TXNRD3: variants seen among roughly 807,000 people sequenced by gnomAD.
TXNRD3 encodes thioredoxin reductase 3, also known as TXNRD3 neighbor gene protein.
In TXNRD3, 68 loss-of-function variants were observed where a neutral mutation model predicts 78.2. The ratio of observed to expected loss-of-function variants is 0.87; its 90% CI spans 0.72 to 1.06. TXNRD3 has a LOEUF of 1.06. Ranked by LOEUF, TXNRD3 falls within the 50% of genes least tolerant of loss-of-function variation. TXNRD3 has a pLI of 0.00. For missense variants in TXNRD3, 751 were observed against 809.5 expected (o/e 0.93, Z 0.88); for synonymous variants, 296 against 300.1 (o/e 0.99, Z 0.14).
intron 12 of TXNRD3, among the ~76,000 whole-genome samples, chr3:126,618,287 A>C (rs1938361304): frequency 1.3e-5 from 2 of 152,242 alleles, no homozygotes; most frequent in African/African-American, 4.8e-5. Context: ...AAAAAGAATC[A>C]AGCTGGAGGC....
At chr3:126,622,900 A>G (rs1030455473) in intron 10 of TXNRD3, among the ~76,000 whole-genome samples, 1 of 152,182 alleles carries the variant, frequency 6.6e-6, no homozygotes, top group Non-Finnish European at 1.5e-5. Context: ...TGCTATAAGA[A>G]GAGGAGGACA....
Position 126,647,468 on chromosome 3 carries a change from C to A in TXNRD3, c.244-172G>T, listed in dbSNP as rs145504276. ...TTTTTCCTTTCCTCTACACATCTTCCCAGAATAATCTCAGGCCATCCCTTG... is the reference window on the plus strand; with the variant it reads ...TTTTTCCTTTCCTCTACACATCTTCACAGAATAATCTCAGGCCATCCCTTG... On this transcript the variant is annotated intron_variant, in intron 1 of 15. Coordinates refer to ENST00000524230, the MANE Select transcript of TXNRD3 (RefSeq NM_052883.3). 1.0e-3 allele frequency among the ~76,000 whole-genome samples: 159 copies of A among 152,226 alleles called. 1 individual carries two copies. The highest frequency in any genetic ancestry group is 3.6e-3 in the African/African-American group (148 of 41,532).
In TXNRD3 at chr3:126,655,073, G is replaced by A. The variant is rs1007095558; in HGVS notation, c.-83C>T. 1.7e-4 allele frequency: 224 copies of A among 1,298,154 alleles called. No individual in the cohort carries two copies. Among genetic ancestry groups the A allele is most frequent in the African/African-American group, 3.0e-4 (19 of 64,254 alleles). The allele number at this position is 1,298,154 out of a possible 1,614,324, so 80.4% of individuals were successfully genotyped here. A position where few individuals can be genotyped will look rare whatever the true frequency, so the allele number is the denominator to read the frequency against. On this transcript the variant is annotated 5_prime_UTR_variant, in exon 1 of 16. Transcript: ENST00000524230. ...CTGCGGCGCCGGGACGGGGCCTGAG[G>A]GGCGGCGAACGCTGCCCTCGCTGGC...
chr3:126,644,023 C>T lies in TXNRD3; in HGVS notation c.550G>A (p.Val184Met). 6.5e-7 allele frequency: 1 copy of T among 1,536,034 alleles called. No homozygotes were observed. The highest frequency in any genetic ancestry group is 8.7e-7 in the Non-Finnish European group (1 of 1,146,892). The change falls in exon 5 of 16, where the codon GTG becomes ATG. Residue 184 changes from valine to methionine, a missense_variant. Coordinates refer to ENST00000524230, the MANE Select transcript of TXNRD3 (RefSeq NM_052883.3). Reference sequence around the variant, plus strand: ...GGTGACGGGACAACAAAGTCTAGCACCATAACTTTCTTTCCCAAAATGGCA... The same window carrying T: ...GGTGACGGGACAACAAAGTCTAGCATCATAACTTTCTTTCCCAAAATGGCA...
chr3:126,609,820 A>G (rs575622540), intron 14 of TXNRD3, among the ~76,000 whole-genome samples: 6 of 152,310 alleles, frequency 3.9e-5, no homozygotes, highest in African/African-American at 1.2e-4. Flanking sequence ...GACAGCTGCA[A>G]GTCCCACCTT....
rs1476576543 is a variant in TXNRD3 at position 126,607,877 on chromosome 3, T to C, written c.*28A>G. 3.4e-6 allele frequency: 5 copies of C among 1,486,648 alleles called. No homozygotes were observed. The highest frequency in any genetic ancestry group is 2.5e-5 in the South Asian group (2 of 78,562). 92.1% of individuals were successfully genotyped at this position (1,486,648 alleles called of 1,614,324 possible). On this transcript the variant is annotated 3_prime_UTR_variant, in exon 16 of 16. Transcript: ENST00000524230. ...CTTATCTTTGAGAGAAATGAGAATA[T>C]GACAAGGAGAACTAAACAGCAGCAG...
chr3:126,644,226 T>A, intron 4 of TXNRD3, 71 bp downstream of exon 4: 21 of 1,409,658 alleles, frequency 1.5e-5, no homozygotes, highest in Non-Finnish European at 2.0e-5. Context: ...TGTTTTTTTT[T>A]AAGTAGCAGA....
chr3:126,638,207 G>C (rs1472076729), intron 6 of TXNRD3, among the ~76,000 whole-genome samples: 1 of 151,772 alleles, frequency 6.6e-6, no homozygotes, highest in African/African-American at 2.4e-5. Flanking sequence ...TCTCCCAAAG[G>C]ACTGGGATTA....
intron 5 of TXNRD3, among the ~76,000 whole-genome samples, chr3:126,643,585 G>A (rs750686919): frequency 3.9e-5 from 6 of 152,000 alleles, no homozygotes; most frequent in South Asian, 2.1e-4. Flanking sequence ...AAAATACTAC[G>A]GCAGAAGTGC....
At chr3:126,652,524 G>A (rs953908630) in intron 1 of TXNRD3, among the ~76,000 whole-genome samples, 3 of 152,214 alleles carry the variant, frequency 2.0e-5, no homozygotes. Context: ...TTACAACAGT[G>A]ATTTAAAAAA....
chr3:126,610,299 T>C (rs970299099), intron 14 of TXNRD3, among the ~76,000 whole-genome samples: 4 of 152,250 alleles, frequency 2.6e-5, no homozygotes, highest in Non-Finnish European at 4.4e-5. Context: ...TTTATCTATT[T>C]GTATGTTTCC....
chr3:126,609,464 T>C lies in TXNRD3; in HGVS notation c.1729-831A>G, dbSNP rs182504862. 7.2e-4 allele frequency among the ~76,000 whole-genome samples: 109 copies of C among 152,244 alleles called. 1 individual carries two copies. The highest frequency in any genetic ancestry group is 2.5e-3 in the African/African-American group (102 of 41,534). ...GTTCCCAGGGCCCACAGAAGACTAC[T>C]GCATTGGAACCTGAGGTGGTGGGTT... On this transcript the variant is annotated intron_variant, in intron 14 of 15. Coordinates refer to ENST00000524230, the MANE Select transcript of TXNRD3 (RefSeq NM_052883.3).
chr3:126,608,929 A>G (rs1938127186), intron 14 of TXNRD3, among the ~76,000 whole-genome samples: 1 of 152,208 alleles, frequency 6.6e-6, no homozygotes, highest in Non-Finnish European at 1.5e-5. Context: ...TGCTGAGACA[A>G]TGCTCAACAA....
intron 14 of TXNRD3, among the ~76,000 whole-genome samples, chr3:126,610,277 T>C (rs958603377): frequency 3.3e-5 from 5 of 152,246 alleles, no homozygotes; most frequent in Non-Finnish European, 7.3e-5. Context: ...ATGTCACTTG[T>C]TGCAGTTCAT....
At chr3:126,622,432 C>G (rs539326201) in intron 11 of TXNRD3, 32 bp downstream of exon 11, 3 of 1,438,716 alleles carry the variant, frequency 2.1e-6, no homozygotes, top group Non-Finnish European at 2.8e-6. Context: ...TTGCTTTGTG[C>G]AGCAACAGTG....
intron 7 of TXNRD3, 105 bp downstream of exon 7, chr3:126,633,804 C>G (rs1938783500): frequency 1.2e-6 from 1 of 806,676 alleles, no homozygotes; most frequent in African/African-American, 1.7e-5. Context: ...TGTGTGCACG[C>G]ACGCCTGTTA....
rs922181351 is a variant in TXNRD3 at position 126,644,104 on chromosome 3, T to C, written c.520-51A>G. 14 of 1,511,862 alleles carry C rather than the reference T, an allele frequency of 9.3e-6. No individual in the cohort carries two copies. The Admixed American group carries it at 1.8e-4, about 19-fold the overall frequency. 93.7% of individuals were successfully genotyped at this position (1,511,862 alleles called of 1,614,324 possible). A position where few individuals can be genotyped will look rare whatever the true frequency, so the allele number is the denominator to read the frequency against. On this transcript the variant is annotated intron_variant, in intron 4 of 15. Transcript: ENST00000524230. ...ACGTATAAAGATCTTGTCACTTTCC[T>C]GACACTCCCTCAATCTTTGTCTTCC... is the stretch of plus-strand genomic sequence containing the variant.
chr3:126,608,072 C>T (rs1938095628), intron 15 of TXNRD3, 99 bp from the exon 16 acceptor site: 1 of 947,052 alleles, frequency 1.1e-6, no homozygotes, highest in South Asian at 2.3e-5. Context: ...TTAAAATATA[C>T]AAATCTGGCC....
intron 6 of TXNRD3, among the ~76,000 whole-genome samples, chr3:126,634,499 G>A (rs1938803738): frequency 1.3e-5 from 2 of 152,156 alleles, no homozygotes; most frequent in African/African-American, 4.8e-5. Flanking sequence ...TGGTTCACAG[G>A]GCAGTGGTTT....
Sources: allele counts gnomAD v4.1 joint callset (sites outside exome capture counted in the v4.1 genomes callset), GRCh38; gene constraint gnomAD v4.1.1; transcripts MANE v1.5; gene names NCBI Gene and HGNC (gene_info 2026-07-23, HGNC 2026-07-21).